KCNG3: variants seen among roughly 807,000 people sequenced by gnomAD.
KCNG3 encodes the protein voltage-gated potassium channel regulatory subunit KCNG3.
In KCNG3, 15 loss-of-function variants were observed where a neutral mutation model predicts 29.0. The ratio of observed to expected loss-of-function variants is 0.52; its 90% CI spans 0.35 to 0.80. The LOEUF is 0.80. Ranked by LOEUF, KCNG3 falls within the 30% of genes least tolerant of loss-of-function variation. The probability of loss-of-function intolerance (pLI) is 0.01; values close to 1 mark genes in which losing one functional copy is unlikely to be tolerated. For synonymous variants in KCNG3, 322 were observed against 248.9 expected, an observed-to-expected ratio of 1.29 and a Z score of -2.76; for missense variants, 512 against 605.7, an observed-to-expected ratio of 0.85 and a Z score of 1.62.
downstream of KCNG3, among the ~76,000 whole-genome samples, chr2:42,437,824 G>C (rs549967401): frequency 6.6e-5 from 10 of 151,136 alleles, no homozygotes; most frequent in African/African-American, 2.4e-4. Flanking sequence ...TGTAATCCCA[G>C]ATACTTGGGA....
chr2:42,418,519 A>G, the KCNG3 span, among the ~76,000 whole-genome samples: 6 of 152,122 alleles, frequency 3.9e-5, no homozygotes, highest in Admixed American at 2.0e-4. Context: ...CATTTTGTAT[A>G]TTTCTTTATT....
chr2:42,426,626 A>G, the KCNG3 span, among the ~76,000 whole-genome samples: 1 of 152,260 alleles, frequency 6.6e-6, no homozygotes, highest in South Asian at 2.1e-4. Flanking sequence ...CTTTAGCAGT[A>G]AAAGTCAAAC....
chr2:42,418,806 T>C, the KCNG3 span, among the ~76,000 whole-genome samples: 2 of 152,210 alleles, frequency 1.3e-5, no homozygotes, highest in South Asian at 4.1e-4. Context: ...TCACCATAAA[T>C]GAAGAGTAGT....
the KCNG3 span, among the ~76,000 whole-genome samples, chr2:42,434,812 C>T: frequency 6.6e-6 from 1 of 151,882 alleles, no homozygotes; most frequent in Non-Finnish European, 1.5e-5. Flanking sequence ...GAAATAAACC[C>T]ACACATCTAT....
At chr2:42,479,492 C>T (rs1169683049) in intron 1 of KCNG3, among the ~76,000 whole-genome samples, 2 of 150,844 alleles carry the variant, frequency 1.3e-5, no homozygotes, top group Admixed American at 6.6e-5. Context: ...AAAAATTCAA[C>T]AAAATTAGCT....
the KCNG3 span, among the ~76,000 whole-genome samples, chr2:42,404,207 A>G: frequency 8.1e-4 from 123 of 152,186 alleles, no homozygotes; most frequent in African/African-American, 2.8e-3. Flanking sequence ...GGTAATTTAC[A>G]TTTTCTAGGA....
chr2:42,490,015 A>G (rs1290118476), intron 1 of KCNG3, among the ~76,000 whole-genome samples: 1 of 152,190 alleles, frequency 6.6e-6, no homozygotes, highest in Non-Finnish European at 1.5e-5. Context: ...GTACTACTTT[A>G]TATGCATAAC....
At chr2:42,470,186 G>C (rs1398022698) in intron 1 of KCNG3, 1 of 422,176 alleles carries the variant, frequency 2.4e-6, no homozygotes. Flanking sequence ...TCACCATTTG[G>C]CTTGATATTA....
chr2:42,466,863 C>T (rs1456116832), intron 1 of KCNG3, among the ~76,000 whole-genome samples: 2 of 151,598 alleles, frequency 1.3e-5, no homozygotes, highest in African/African-American at 4.9e-5. Flanking sequence ...AGCGATTCTC[C>T]TGCCTCAGCC....
At chr2:42,422,472 T>C in the KCNG3 span, among the ~76,000 whole-genome samples, 1 of 152,142 alleles carries the variant, frequency 6.6e-6, no homozygotes, top group Admixed American at 6.5e-5. Context: ...CGTGGTATTC[T>C]GTTATAGCAA....
At chr2:42,413,487 T>C in the KCNG3 span, among the ~76,000 whole-genome samples, 8 of 152,370 alleles carry the variant, frequency 5.3e-5, no homozygotes, top group East Asian at 5.8e-4. Context: ...AAATTTTCTT[T>C]ATTCCATTTT....
chr2:42,388,690 C>T, the KCNG3 span: 1 of 152,150 alleles, frequency 6.6e-6, no homozygotes, highest in African/African-American at 2.4e-5. Context: ...TGCATTTAAC[C>T]TTAATTACTT....
chr2:42,419,544 C>T, the KCNG3 span, among the ~76,000 whole-genome samples: 38 of 151,914 alleles, frequency 2.5e-4, 1 homozygote, highest in Non-Finnish European at 5.1e-4. Flanking sequence ...TAATCCACCA[C>T]GCCCAGCCCT....
intron 1 of KCNG3, among the ~76,000 whole-genome samples, chr2:42,488,631 C>A (rs1673788554): frequency 6.6e-6 from 1 of 151,520 alleles, no homozygotes; most frequent in Non-Finnish European, 1.5e-5. Context: ...CTTACTGCAA[C>A]CTCCGCCTCC....
the KCNG3 span, among the ~76,000 whole-genome samples, chr2:42,422,867 T>G: frequency 6.6e-6 from 1 of 152,182 alleles, no homozygotes; most frequent in Non-Finnish European, 1.5e-5. Context: ...AGGAGCCATT[T>G]AACACCCCAC....
intron 1 of KCNG3, among the ~76,000 whole-genome samples, chr2:42,483,257 T>C (rs1245339068): frequency 5.9e-5 from 9 of 152,236 alleles, no homozygotes; most frequent in Non-Finnish European, 1.3e-4. Context: ...ATGATGGTTA[T>C]CATCAATAAA....
rs921138444 is a variant in KCNG3 at position 42,493,881 on chromosome 2, C to G, written c.-380G>C. Reference sequence around the variant, plus strand: ...CCGACCCCCTGAGGGCTGCGGGCGCCGAATGGAGCCGCCGGGGCGGAATAG... The same window carrying G: ...CCGACCCCCTGAGGGCTGCGGGCGCGGAATGGAGCCGCCGGGGCGGAATAG... On this transcript the variant is annotated 5_prime_UTR_variant, in exon 1 of 2. Coordinates refer to ENST00000306078, the MANE Select transcript of KCNG3 (RefSeq NM_133329.6). The G allele has an allele frequency of 1.1e-5, 2 of 174,862 alleles. No homozygotes were observed. The highest frequency in any genetic ancestry group is 2.4e-5 in the Non-Finnish European group (2 of 83,334). The allele number at this position is 174,862 out of a possible 1,614,324, so 10.8% of individuals were successfully genotyped here. A position where few individuals can be genotyped will look rare whatever the true frequency, so the allele number is the denominator to read the frequency against.
chr2:42,419,193 G>T, the KCNG3 span, among the ~76,000 whole-genome samples: 1 of 135,040 alleles, frequency 7.4e-6, no homozygotes, highest in African/African-American at 2.8e-5. Flanking sequence ...TTCCCAGGTG[G>T]TCACAATAAA....
chr2:42,466,866 C>A (rs1673155507), intron 1 of KCNG3, among the ~76,000 whole-genome samples: 1 of 151,260 alleles, frequency 6.6e-6, no homozygotes. Flanking sequence ...GATTCTCCTG[C>A]CTCAGCCTCC....
Sources: allele counts gnomAD v4.1 joint callset (sites outside exome capture counted in the v4.1 genomes callset), GRCh38; gene constraint gnomAD v4.1.1; transcripts MANE v1.5; gene names NCBI Gene and HGNC (gene_info 2026-07-23, HGNC 2026-07-21).